The following GCN1 variants were observed in gnomAD, a reference collection of about 807,000 sequenced individuals.
GCN1 encodes the protein stalled ribosome sensor GCN1.
A neutral mutation model predicts 288.4 loss-of-function variants in GCN1; 90 were observed. The ratio of observed to expected loss-of-function variants is 0.31; its 90% CI spans 0.26 to 0.37. The LOEUF is 0.37. Among genes scored for constraint, GCN1 ranks in the 10% least tolerant of loss-of-function variants. The probability of loss-of-function intolerance (pLI) is 1.00; values close to 1 mark genes in which losing one functional copy is unlikely to be tolerated. For missense variants in GCN1, 2,586 were observed against 3,419.9 expected, an observed-to-expected ratio of 0.76 and a Z score of 6.08; for synonymous variants, 1,386 against 1,420.2, an observed-to-expected ratio of 0.98 and a Z score of 0.54.
In GCN1 at chr12:120,142,625, G is replaced by A; in HGVS notation, c.5711C>T (p.Ser1904Phe). 1.2e-6 allele frequency: 2 copies of A among 1,613,820 alleles called. No homozygotes were observed. Among genetic ancestry groups the A allele is most frequent in the Non-Finnish European group, 1.7e-6 (2 of 1,179,876 alleles). ...GACAACAATCTTCCAGACATGCAGG[G>A]ACGCCTGCCGCACCACCAGCTGGGT... ...SDTQLVVRQA[S>F]LHVWKIVVSN... The change falls in exon 44 of 58, where the codon TCC (serine) becomes TTC (phenylalanine). Residue 1904 changes from serine (S) to phenylalanine (F), a missense_variant. Physicochemically the swap from Ser to Phe is radical, Grantham distance 155 (BLOSUM62 -2). Around this residue, in one of 8 missense-constraint regions of GCN1, gnomAD observed 437 missense variants for 570.5 expected, o/e 0.77. Coordinates refer to ENST00000300648, the MANE Select transcript of GCN1 (RefSeq NM_006836.2). The surrounding 1 kb of genome is among the most constrained non-coding windows in gnomAD (Gnocchi z 4.9).
chr12:120,153,933 C>A lies in GCN1; in HGVS notation c.3702-24G>T. On this transcript the variant is annotated intron_variant, in intron 31 of 57. Coordinates refer to ENST00000300648, the MANE Select transcript of GCN1 (RefSeq NM_006836.2). The surrounding 1 kb of genome is among the most constrained non-coding windows in gnomAD (Gnocchi z 4.4). Reference sequence around the variant, plus strand: ...ACCTGGGAAAGAAGTGGGAGCACATCAGGAGGGGCAGTCAGGGGGCCTCCT... The same window carrying A: ...ACCTGGGAAAGAAGTGGGAGCACATAAGGAGGGGCAGTCAGGGGGCCTCCT... The A allele has an allele frequency of 8.1e-6, 13 of 1,604,892 alleles. No individual in the cohort carries two copies. Among genetic ancestry groups the A allele is most frequent in the Non-Finnish European group, 1.1e-5 (13 of 1,174,004 alleles).
chr12:120,127,695 G>C lies in GCN1; in HGVS notation c.*154C>G. On this transcript the variant is annotated 3_prime_UTR_variant, in exon 58 of 58. Transcript: ENST00000300648. The stretch of plus-strand genomic sequence containing the variant: ...AGGAGGCAATTTTCAGTTGTGTGTG[G>C]GTTTGATTTAAGGCTTTGGCTGTGG... The C allele has an allele frequency of 1.2e-6, 1 of 835,606 alleles. No individual in the cohort carries two copies. Among genetic ancestry groups the C allele is most frequent in the South Asian group, 1.7e-5 (1 of 60,044 alleles). The allele number at this position is 835,606 out of a possible 1,614,324, so 51.8% of individuals were successfully genotyped here. A position where few individuals can be genotyped will look rare whatever the true frequency, so the allele number is the denominator to read the frequency against.
chr12:120,155,642 G>C lies in GCN1; in HGVS notation c.3390C>G (p.Leu1130=), dbSNP rs576427781. 6.2e-7 allele frequency: 1 copy of C among 1,614,084 alleles called. No individual in the cohort carries two copies. The highest frequency in any genetic ancestry group is 1.1e-5 in the South Asian group (1 of 91,072). ...CCTCCTTGTCAAACTTGACCACCCAGAGTCTCCGCAGAAGGTTCAGGCCAT... is the reference window on the plus strand; with the variant it reads ...CCTCCTTGTCAAACTTGACCACCCACAGTCTCCGCAGAAGGTTCAGGCCAT... ...EKNGLNLLRR[L]WVVKFDKEEE... Residue 1130 remains leucine (L), a synonymous_variant, in exon 29 of 58, where the codon CTC becomes CTG. Coordinates refer to ENST00000300648, the MANE Select transcript of GCN1 (RefSeq NM_006836.2). This position sits in a 1 kb window ranked among gnomAD's most constrained non-coding sequence, Gnocchi z 4.9.
chr12:120,128,437 GCGATT>G (rs756900811), intron 57 of GCN1, among the ~76,000 whole-genome samples: 4 of 151,956 alleles, frequency 2.6e-5, no homozygotes, highest in Non-Finnish European at 4.4e-5. Flanking sequence ...CCAGGTTCAA[GCGATT>G]CTCCTGCCTC....
chr12:120,175,640 C>G, intron 11 of GCN1, 106 bp downstream of exon 11: 1 of 1,232,478 alleles, frequency 8.1e-7, no homozygotes, highest in Non-Finnish European at 1.1e-6. Flanking sequence ...GCCACACAGC[C>G]TTGCCACAGG....
Position 120,137,927 on chromosome 12 carries a change from T to C in GCN1, c.6367A>G (p.Lys2123Glu). The C allele has an allele frequency of 5.0e-6, 8 of 1,614,120 alleles. No individual in the cohort carries two copies. Among genetic ancestry groups the C allele is most frequent in the Non-Finnish European group, 6.8e-6 (8 of 1,180,006 alleles). Residue 2123 changes from lysine to glutamate, a missense_variant, in exon 48 of 58, where the codon AAG becomes GAG. Transcript: ENST00000300648. This position sits in a 1 kb window ranked among gnomAD's most constrained non-coding sequence, Gnocchi z 5.2. Reference protein sequence around the residue: ...LPAVMLALKEKLGTPDEQLEM... With the variant: ...LPAVMLALKEELGTPDEQLEM... ...AGCTGCTCATCTGGGGTCCCAAGCT[T>C]TTCCTTCAGGGCCAGCATGACCGCT...
intron 42 of GCN1, among the ~76,000 whole-genome samples, chr12:120,143,782 T>C (rs929833158): frequency 2.6e-5 from 4 of 152,080 alleles, no homozygotes; most frequent in Admixed American, 6.5e-5. Context: ...ACACTTAAAA[T>C]CTGAATACAA....
Position 120,156,771 on chromosome 12 carries a change from G to T in GCN1, c.3168+141C>A. On this transcript the variant is annotated intron_variant, in intron 27 of 57. Coordinates refer to ENST00000300648, the MANE Select transcript of GCN1 (RefSeq NM_006836.2). The surrounding 1 kb of genome is among the most constrained non-coding windows in gnomAD (Gnocchi z 5.8). ...ACCCCTCACTAGCTAACAACAGTCAGGCTGGCTCTCTAAAGCAGTCTTTCT... is the reference window on the plus strand; with the variant it reads ...ACCCCTCACTAGCTAACAACAGTCATGCTGGCTCTCTAAAGCAGTCTTTCT... The T allele has an allele frequency of 1.1e-6, 1 of 891,446 alleles. No homozygotes were observed. 55.2% of individuals were successfully genotyped at this position (891,446 alleles called of 1,614,324 possible). A position where few individuals can be genotyped will look rare whatever the true frequency, so the allele number is the denominator to read the frequency against.
Position 120,144,664 on chromosome 12 carries a change from C to T in GCN1, c.5327G>A (p.Gly1776Glu). 2 of 1,614,046 alleles carry T rather than the reference C, an allele frequency of 1.2e-6. No homozygotes were observed. Among genetic ancestry groups the T allele is most frequent in the Non-Finnish European group, 1.7e-6 (2 of 1,179,900 alleles). The change falls in exon 41 of 58, where the codon GGG (glycine) becomes GAG (glutamate). Residue 1776 changes from glycine to glutamate, a missense_variant. This residue lies in a region of GCN1 where 371 missense variants were observed against 572.6 expected (regional missense o/e 0.65). Coordinates refer to ENST00000300648, the MANE Select transcript of GCN1 (RefSeq NM_006836.2). This position sits in a 1 kb window ranked among gnomAD's most constrained non-coding sequence, Gnocchi z 4.7. ...TTTGAGGATACAGGGGATGATGGGC[C>T]CCACATAAGGAGTAAACTTGTCTCC... ...TFGDKFTPYV[G>E]PIIPCILKAL...
At chr12:120,147,508 C>T (rs1041133428) in intron 37 of GCN1, among the ~76,000 whole-genome samples, 1 of 152,230 alleles carries the variant, frequency 6.6e-6, no homozygotes, top group South Asian at 2.1e-4. Flanking sequence ...CGCTGGATTA[C>T]AGGCATGAGC....
intron 15 of GCN1, among the ~76,000 whole-genome samples, chr12:120,169,276 C>CAA (rs35819206): frequency 0.019 from 1,235 of 66,202 alleles, 62 homozygotes; most frequent in Non-Finnish European, 0.026. Flanking sequence ...AACTCCGTCT[C>CAA]AAAAAAAAAA....
At chr12:120,177,425 A>G in intron 9 of GCN1, 22 bp downstream of exon 9, 1 of 1,236,316 alleles carries the variant, frequency 8.1e-7, no homozygotes. Flanking sequence ...CCCTCCCACC[A>G]TCCTGGTTGA....
At position 120,134,709 on chromosome 12, in the gene GCN1, C is replaced by CT; in HGVS notation, c.7025dup (p.Pro2343AlafsTer38). On this transcript the variant is annotated frameshift_variant, in exon 52 of 58. Coordinates refer to ENST00000300648, the MANE Select transcript of GCN1 (RefSeq NM_006836.2). LOFTEE classifies it high-confidence loss of function. The surrounding 1 kb of genome is among the most constrained non-coding windows in gnomAD (Gnocchi z 5.0). Reference sequence around the variant, plus strand: ...TGGTCTGCAGCTGGGGCAGGAAGGGCTTCAGGGCAATCCCAACCTGTGGGA... The same window carrying CT: ...TGGTCTGCAGCTGGGGCAGGAAGGGCTTTCAGGGCAATCCCAACCTGTGGGA... 1 of 1,612,650 alleles carries CT rather than the reference C, an allele frequency of 6.2e-7. No individual in the cohort carries two copies. Among genetic ancestry groups the CT allele is most frequent in the Non-Finnish European group, 8.5e-7 (1 of 1,180,008 alleles).
At chr12:120,138,590 G>A (rs1228885104) in intron 46 of GCN1, 105 bp downstream of exon 46, 4 of 1,209,004 alleles carry the variant, frequency 3.3e-6, no homozygotes, top group Non-Finnish European at 4.8e-6. Flanking sequence ...TCCCTCTGGA[G>A]GGCCCACATT....
intron 22 of GCN1, 105 bp from the exon 23 acceptor site, chr12:120,160,360 T>A (rs1877887145): frequency 3.8e-6 from 3 of 784,916 alleles, no homozygotes; most frequent in Non-Finnish European, 6.4e-6. Context: ...CCATACCAGC[T>A]CTAAGTGTGA....
Position 120,164,460 on chromosome 12 carries a change from C to T in GCN1, c.1724G>A (p.Ser575Asn). 6.2e-7 allele frequency: 1 copy of T among 1,614,136 alleles called. No homozygotes were observed. The highest frequency in any genetic ancestry group is 8.5e-7 in the Non-Finnish European group (1 of 1,180,016). Residue 575 changes from serine to asparagine, a missense_variant, in exon 18 of 58, where the codon AGC (serine) becomes AAC (asparagine). Physicochemically the swap from Ser to Asn is conservative, Grantham distance 46 (BLOSUM62 1). Transcript: ENST00000300648. ...CTGCCTGCGGACGTGCCAGGTGCGGCTCAGGAGCACCGCCACCAGAGCCCG... is the reference window on the plus strand; with the variant it reads ...CTGCCTGCGGACGTGCCAGGTGCGGTTCAGGAGCACCGCCACCAGAGCCCG... ...YHRALVAVLL[S>N]RTWHVRRQAQ...
At position 120,155,218 on chromosome 12, in the gene GCN1, T is replaced by C. The variant is rs780627247; in HGVS notation, c.3630+23A>G. On this transcript the variant is annotated intron_variant, in intron 30 of 57. Coordinates refer to ENST00000300648, the MANE Select transcript of GCN1 (RefSeq NM_006836.2). This position sits in a 1 kb window ranked among gnomAD's most constrained non-coding sequence, Gnocchi z 4.9. ...CCCAACCGCACACACCCAGACTGCA[T>C]CAGGGCTGCACAGGTCACTCACGTA... The C allele has an allele frequency of 1.2e-6, 2 of 1,610,726 alleles. No homozygotes were observed. The highest frequency in any genetic ancestry group is 1.7e-6 in the Non-Finnish European group (2 of 1,176,990).
rs775569611 is a variant in GCN1 at position 120,184,898 on chromosome 12, A to C, written c.122-11T>G. The C allele has an allele frequency of 6.3e-7, 1 of 1,591,858 alleles. No individual in the cohort carries two copies. Among genetic ancestry groups the C allele is most frequent in the African/African-American group, 1.3e-5 (1 of 74,510 alleles). On this transcript the variant is annotated splice_polypyrimidine_tract_variant and intron_variant, in intron 2 of 57. Transcript: ENST00000300648. ...CTCCCTCTGGAAGATCTGAAACCAG[A>C]GATTACACAGACAGCGGTCAATAAA...
intron 14 of GCN1, among the ~76,000 whole-genome samples, chr12:120,173,148 C>T (rs1167977663): frequency 6.7e-6 from 1 of 150,212 alleles, no homozygotes; most frequent in Admixed American, 6.7e-5. Context: ...CAACCTCCAT[C>T]TACCGGGTTC....
Sources: allele counts gnomAD v4.1 joint callset (sites outside exome capture counted in the v4.1 genomes callset), GRCh38; gene constraint gnomAD v4.1.1; regional missense constraint gnomAD v4.1.1; non-coding constraint Gnocchi (gnomAD v3.1); transcripts MANE v1.5; gene names NCBI Gene and HGNC (gene_info 2026-07-23, HGNC 2026-07-21).